Variants in WDR89 observed in about 807,000 individuals in gnomAD.
WDR89 encodes the protein WD repeat domain 89.
A neutral mutation model predicts 29.1 loss-of-function variants in WDR89; 17 were observed. The ratio of observed to expected loss-of-function variants is 0.58; its 90% CI spans 0.40 to 0.88. The LOEUF is 0.88. Ranked by LOEUF, WDR89 falls within the 40% of genes least tolerant of loss-of-function variation. The pLI is 0.00. For synonymous variants in WDR89, 138 were observed against 157.8 expected (o/e 0.87, Z 0.94); for missense variants, 396 against 456.3 (o/e 0.87, Z 1.20).
intron 2 of WDR89, among the ~76,000 whole-genome samples, chr14:63,619,415 T>G (rs925245449): frequency 1.3e-5 from 2 of 152,068 alleles, no homozygotes; most frequent in Admixed American, 1.3e-4. Flanking sequence ...CTATACATGA[T>G]GTACAGAATG....
chr14:63,602,534 A>C (rs1341918127), intron 2 of WDR89, among the ~76,000 whole-genome samples: 1 of 148,182 alleles, frequency 6.7e-6, no homozygotes, highest in African/African-American at 2.5e-5. Context: ...GCACTTTGGG[A>C]GGCCAAGGCG....
intron 2 of WDR89, among the ~76,000 whole-genome samples, chr14:63,611,702 C>CA (rs1039378342): frequency 6.6e-6 from 1 of 150,994 alleles, no homozygotes. Context: ...TTATCCCCCC[C>CA]AAAAAAAAAT....
intron 2 of WDR89, among the ~76,000 whole-genome samples, chr14:63,621,588 ACT>A (rs910330941): frequency 1.3e-5 from 2 of 151,998 alleles, no homozygotes; most frequent in African/African-American, 2.4e-5. Context: ...GCAGAGCAAG[ACT>A]CTGTCTCAAA....
intron 2 of WDR89, among the ~76,000 whole-genome samples, chr14:63,617,725 T>C (rs185159538): frequency 2.0e-5 from 3 of 152,028 alleles, no homozygotes; most frequent in Non-Finnish European, 2.9e-5. Flanking sequence ...CATCAAGTGA[T>C]CCGCCCACTT....
rs960457399 is a variant in WDR89 at position 63,598,737 on chromosome 14, T to C, written c.*42A>G. 2.7e-6 allele frequency: 4 copies of C among 1,502,384 alleles called. No homozygotes were observed. The highest frequency in any genetic ancestry group is 3.6e-6 in the Non-Finnish European group (4 of 1,126,180). The allele number at this position is 1,502,384 out of a possible 1,614,324, so 93.1% of individuals were successfully genotyped here. ...ATGGGTAGTAAACAAGAAGGACTAT[T>C]TGAAACTATAAAACCTACCAAACAA... On this transcript the variant is annotated 3_prime_UTR_variant, in exon 3 of 3. Transcript: ENST00000620954.
chr14:63,599,539 TC>T lies in WDR89; in HGVS notation c.403del (p.Glu135LysfsTer16), dbSNP rs1566788003. On this transcript the variant is annotated frameshift_variant, in exon 3 of 3. Transcript: ENST00000620954. LOFTEE classifies it high-confidence loss of function. ...CNDHIICAGT[E>X]KVDDDALLVF... ...CAACAATGCATCATCATCAACTTTT[TC>T]TGTACCAGCACAAATAATATGATCA... 6.2e-7 allele frequency: 1 copy of T among 1,614,184 alleles called. No individual in the cohort carries two copies. Among genetic ancestry groups the T allele is most frequent in the Non-Finnish European group, 8.5e-7 (1 of 1,180,032 alleles).
chr14:63,615,617 G>GAATT (rs1882251248), intron 2 of WDR89, among the ~76,000 whole-genome samples: 1 of 152,144 alleles, frequency 6.6e-6, no homozygotes, highest in African/African-American at 2.4e-5. Flanking sequence ...AAGTTCTTAA[G>GAATT]AATTACCCTA....
intron 2 of WDR89, among the ~76,000 whole-genome samples, chr14:63,610,702 C>CTTTTTTTTT (rs1009799974): frequency 1.5e-5 from 2 of 129,118 alleles, no homozygotes; most frequent in East Asian, 2.2e-4. Flanking sequence ...CTTTTCTTTT[C>CTTTTTTTTT]TTTTTTTTTT....
intron 1 of WDR89, among the ~76,000 whole-genome samples, chr14:63,641,581 G>T (rs188242441): frequency 1.3e-5 from 2 of 152,256 alleles, no homozygotes; most frequent in Non-Finnish European, 2.9e-5. Context: ...CTGACCCGCA[G>T]AAGTTTCTTT....
At chr14:63,632,373 C>G (rs1883462819) in intron 1 of WDR89, among the ~76,000 whole-genome samples, 2 of 151,742 alleles carry the variant, frequency 1.3e-5, no homozygotes, top group Admixed American at 6.6e-5. Context: ...GCTCCTGCCC[C>G]TTATCCCAGC....
intron 2 of WDR89, among the ~76,000 whole-genome samples, chr14:63,615,746 G>A (rs967532718): frequency 1.3e-5 from 2 of 152,002 alleles, no homozygotes; most frequent in East Asian, 1.9e-4. Flanking sequence ...CCAACATGGC[G>A]AAACCTGTCC....
intron 1 of WDR89, among the ~76,000 whole-genome samples, chr14:63,628,217 C>A (rs181649106): frequency 6.6e-6 from 1 of 152,132 alleles, no homozygotes; most frequent in Non-Finnish European, 1.5e-5. Context: ...CCAGTCCAGG[C>A]AACAGAGCAA....
intron 1 of WDR89, among the ~76,000 whole-genome samples, chr14:63,637,833 A>G (rs927442308): frequency 6.6e-6 from 1 of 152,172 alleles, no homozygotes; most frequent in African/African-American, 2.4e-5. Flanking sequence ...TTAAAAGACT[A>G]CAAATATGGT....
chr14:63,635,076 C>T (rs1044185208), intron 1 of WDR89, among the ~76,000 whole-genome samples: 1 of 151,898 alleles, frequency 6.6e-6, no homozygotes, highest in African/African-American at 2.4e-5. Context: ...GGTACCAATC[C>T]TTTTGACACT....
At chr14:63,633,135 T>C (rs534660445) in intron 1 of WDR89, among the ~76,000 whole-genome samples, 35 of 152,214 alleles carry the variant, frequency 2.3e-4, no homozygotes, top group African/African-American at 7.7e-4. Flanking sequence ...GGTGGGAGTA[T>C]AGAGAATGTT....
At chr14:63,632,024 A>ATTGC (rs1883437551) in intron 1 of WDR89, among the ~76,000 whole-genome samples, 1 of 151,790 alleles carries the variant, frequency 6.6e-6, no homozygotes, top group Admixed American at 6.6e-5. Flanking sequence ...AGACAGGAGA[A>ATTGC]TTGCTTGAAC....
intron 2 of WDR89, among the ~76,000 whole-genome samples, chr14:63,606,719 G>T (rs1016516396): frequency 1.3e-5 from 2 of 152,292 alleles, no homozygotes; most frequent in East Asian, 3.9e-4. Context: ...CATAACTGGA[G>T]TTCACCAAAT....
intron 1 of WDR89, among the ~76,000 whole-genome samples, chr14:63,634,005 C>T (rs1352507489): frequency 6.6e-6 from 1 of 152,096 alleles, no homozygotes; most frequent in Non-Finnish European, 1.5e-5. Context: ...AGCAGGAGGT[C>T]CAAAAATTAA....
At chr14:63,615,897 C>T (rs1882272237) in intron 2 of WDR89, among the ~76,000 whole-genome samples, 1 of 150,246 alleles carries the variant, frequency 6.7e-6, no homozygotes, top group African/African-American at 2.5e-5. Flanking sequence ...GCACTCCAGC[C>T]TTGGCGACAG....
Sources: allele counts gnomAD v4.1 joint callset (sites outside exome capture counted in the v4.1 genomes callset), GRCh38; gene constraint gnomAD v4.1.1; transcripts MANE v1.5; gene names NCBI Gene and HGNC (gene_info 2026-07-23, HGNC 2026-07-21).